ZDHHC13: variants seen among roughly 807,000 people sequenced by gnomAD.
ZDHHC13 encodes zDHHC palmitoyltransferase 13.
In ZDHHC13, 85 loss-of-function variants were observed where a neutral mutation model predicts 86.0. That is an observed-to-expected ratio of 0.99 (90% CI 0.83 to 1.18). The LOEUF (loss-of-function observed/expected upper bound fraction) is 1.18. Among genes scored for constraint, ZDHHC13 ranks in the 50% most tolerant of loss-of-function variants. The pLI is 0.00. For synonymous variants in ZDHHC13, 263 were observed against 246.4 expected (o/e 1.07, Z -0.63); for missense variants, 711 against 730.2 (o/e 0.97, Z 0.30).
rs1482054597 is a variant in ZDHHC13 at position 19,149,150 on chromosome 11, G to T, written c.375-37G>T. ...CTCTCCCTGACTTTTTGCTTTTTCT[G>T]CATGCTACAGAATGGCTTTTTGTCT... is the stretch of plus-strand genomic sequence containing the variant. On this transcript the variant is annotated intron_variant, in intron 4 of 16. Coordinates refer to ENST00000446113, the MANE Select transcript of ZDHHC13 (RefSeq NM_019028.3). The T allele has an allele frequency of 1.6e-5, 23 of 1,430,644 alleles. No homozygotes were observed. The Admixed American group carries it at 2.4e-4, about 15-fold the overall frequency. 88.6% of individuals were successfully genotyped at this position (1,430,644 alleles called of 1,614,324 possible).
chr11:19,143,879 AT>A (rs1849388707), intron 2 of ZDHHC13, among the ~76,000 whole-genome samples: 1 of 152,194 alleles, frequency 6.6e-6, no homozygotes, highest in Non-Finnish European at 1.5e-5. Context: ...GTATTAATCC[AT>A]TTTTGTAGTA....
At chr11:19,158,105 G>A (rs1849807801) in intron 9 of ZDHHC13, among the ~76,000 whole-genome samples, 2 of 152,132 alleles carry the variant, frequency 1.3e-5, no homozygotes, top group Non-Finnish European at 2.9e-5. Flanking sequence ...AGCATGTTGA[G>A]CATCTAAAGT....
At chr11:19,126,455 G>C (rs2133364751) in intron 1 of ZDHHC13, among the ~76,000 whole-genome samples, 1 of 145,258 alleles carries the variant, frequency 6.9e-6, no homozygotes, top group East Asian at 2.0e-4. Flanking sequence ...TCCTGCCTCA[G>C]CTTCCCAAGT....
intron 14 of ZDHHC13, chr11:19,169,140 A>C (rs1301173662): frequency 1.0e-6 from 1 of 985,484 alleles, no homozygotes; most frequent in East Asian, 1.1e-4. Flanking sequence ...GTATTATCAA[A>C]AGAATTCCCA....
At chr11:19,159,163 A>G (rs1177244964) in intron 10 of ZDHHC13, 123 bp downstream of exon 10, 1 of 613,422 alleles carries the variant, frequency 1.6e-6, no homozygotes, top group Non-Finnish European at 2.8e-6. Flanking sequence ...CATTCATTTA[A>G]TGGTTCTGGA....
chr11:19,154,246 C>T (rs531675504), intron 8 of ZDHHC13, among the ~76,000 whole-genome samples: 4 of 151,986 alleles, frequency 2.6e-5, no homozygotes, highest in Admixed American at 1.3e-4. Context: ...TATAATATGC[C>T]CTCAAGTATT....
chr11:19,147,781 C>G lies in ZDHHC13; in HGVS notation c.374+108C>G, dbSNP rs1041130587. ...AAAGGCTGTCTTTTCTTCCCCCCCC[C>G]CCTTTATTTAAAAATAAATTTCAGC... On this transcript the variant is annotated intron_variant, in intron 4 of 16. Transcript: ENST00000446113. The G allele has an allele frequency of 9.0e-5, 67 of 745,416 alleles. No homozygotes were observed. The African/African-American group carries it at 9.2e-4, about 10-fold the overall frequency. 46.2% of individuals were successfully genotyped at this position (745,416 alleles called of 1,614,324 possible).
Position 19,175,837 on chromosome 11 carries a change from G to A in ZDHHC13, c.1746G>A (p.Gln582=). Residue 582 remains glutamine (Q), a synonymous_variant, in exon 17 of 17, where the codon CAG becomes CAA. Coordinates refer to ENST00000446113, the MANE Select transcript of ZDHHC13 (RefSeq NM_019028.3). ...TTCTTGGCAGTCTTGGATTCATGCAGAACCTGGCAGATTTCTTTCAGTGTG... is the reference window on the plus strand; with the variant it reads ...TTCTTGGCAGTCTTGGATTCATGCAAAACCTGGCAGATTTCTTTCAGTGTG... ...RKTPYNLGFM[Q]NLADFFQCGC... 6.2e-7 allele frequency: 1 copy of A among 1,612,794 alleles called. No individual in the cohort carries two copies. The highest frequency in any genetic ancestry group is 8.5e-7 in the Non-Finnish European group (1 of 1,179,596).
chr11:19,143,092 TC>T lies in ZDHHC13; in HGVS notation c.143del (p.Ser48LeufsTer22). On this transcript the variant is annotated frameshift_variant, in exon 2 of 17. Transcript: ENST00000446113. LOFTEE classifies it high-confidence loss of function. Reference sequence around the variant, plus strand: ...AGAAGCTCTTCCTCTTATAGAGGACTCTAGTAACTGTGACATTGTCAAAGCT... The same window carrying T: ...AGAAGCTCTTCCTCTTATAGAGGACTTAGTAACTGTGACATTGTCAAAGCT... ...AREALPLIEDSSNCDIVKATQ... is the reference protein window; with the variant it reads ...AREALPLIEDXSNCDIVKATQ... 6.2e-7 allele frequency: 1 copy of T among 1,613,238 alleles called. No homozygotes were observed. The highest frequency in any genetic ancestry group is 8.5e-7 in the Non-Finnish European group (1 of 1,179,468).
chr11:19,142,901 A>G, intron 1 of ZDHHC13, 77 bp from the exon 2 acceptor site: 4 of 1,399,792 alleles, frequency 2.9e-6, no homozygotes, highest in East Asian at 2.5e-5. Flanking sequence ...TATTGTTGAT[A>G]GTAGCAAATG....
chr11:19,163,564 C>T, intron 11 of ZDHHC13, 137 bp downstream of exon 11: 2 of 920,734 alleles, frequency 2.2e-6, no homozygotes, highest in East Asian at 3.3e-5. Flanking sequence ...ATTAGATTTC[C>T]ACTCTTACAG....
intron 8 of ZDHHC13, among the ~76,000 whole-genome samples, chr11:19,153,209 AT>A (rs959979373): frequency 6.6e-6 from 1 of 151,852 alleles, no homozygotes; most frequent in African/African-American, 2.4e-5. Context: ...AATTTTATTC[AT>A]TTTTTTTAGC....
intron 11 of ZDHHC13, 155 bp from the exon 12 acceptor site, chr11:19,164,146 C>T: frequency 1.5e-6 from 1 of 680,538 alleles, no homozygotes; most frequent in South Asian, 2.3e-5. Context: ...TGAAGAGTCA[C>T]ATCATTTCAA....
At chr11:19,130,905 G>A (rs539877111) in intron 1 of ZDHHC13, among the ~76,000 whole-genome samples, 39 of 152,016 alleles carry the variant, frequency 2.6e-4, no homozygotes, top group African/African-American at 9.4e-4. Flanking sequence ...GAGTACAGTG[G>A]CGCGATATCG....
intron 1 of ZDHHC13, among the ~76,000 whole-genome samples, chr11:19,126,307 C>T (rs956852543): frequency 2.0e-5 from 3 of 150,416 alleles, no homozygotes; most frequent in Admixed American, 1.3e-4. Flanking sequence ...ACCCCAGTGT[C>T]TGTTGTTCCC....
chr11:19,166,453 C>T (rs745393046), intron 14 of ZDHHC13, 68 bp downstream of exon 14: 215 of 1,276,330 alleles, frequency 1.7e-4, no homozygotes, highest in Middle Eastern at 7.5e-4. Context: ...CTTGTAAACC[C>T]TTGTATATCA....
At chr11:19,167,136 T>A (rs1040463404) in intron 14 of ZDHHC13, 12 of 152,332 alleles carry the variant, frequency 7.9e-5, no homozygotes, top group African/African-American at 2.9e-4. Context: ...GTTTATTTAT[T>A]TGGACTTTAA....
At chr11:19,169,302 T>G in intron 14 of ZDHHC13, 2 of 985,458 alleles carry the variant, frequency 2.0e-6, no homozygotes, top group Non-Finnish European at 2.4e-6. Context: ...AATGAGATGC[T>G]CTAGAGAGAG....
chr11:19,166,519 C>T, intron 14 of ZDHHC13, 134 bp downstream of exon 14: 3 of 607,018 alleles, frequency 4.9e-6, no homozygotes, highest in African/African-American at 3.8e-5. Context: ...GCAAATGCCT[C>T]TAAGACTCCC....
Sources: gnomAD v4.1 joint callset for allele counts (sites outside exome capture counted in the v4.1 genomes callset) on GRCh38, gnomAD v4.1.1 for gene constraint, MANE v1.5 for transcripts, NCBI Gene and HGNC (gene_info 2026-07-23, HGNC 2026-07-21) for gene names.